Variants in PDE4B observed in about 807,000 individuals in gnomAD.
The protein encoded by PDE4B is phosphodiesterase 4B.
PDE4B carries 20 observed loss-of-function variants against 82.2 expected under a neutral mutation model. That is an observed-to-expected ratio of 0.24 (90% CI 0.17 to 0.35). PDE4B has a LOEUF of 0.35. PDE4B is among the 10% of genes least tolerant of loss of function. The probability of loss-of-function intolerance (pLI) is 1.00; values close to 1 mark genes in which losing one functional copy is unlikely to be tolerated. For synonymous variants in PDE4B, 320 were observed against 318.9 expected (o/e 1.00, Z -0.04); for missense variants, 655 against 907.2 (o/e 0.72, Z 3.57).
chr1:66,220,513 G>T (rs1191911785), intron 3 of PDE4B, among the ~76,000 whole-genome samples: 1 of 152,100 alleles, frequency 6.6e-6, no homozygotes, highest in Non-Finnish European at 1.5e-5. Context: ...CTTGTATGCT[G>T]CTTGCAAGCT....
chr1:65,869,868 T>G (rs2100290957), intron 1 of PDE4B, among the ~76,000 whole-genome samples: 1 of 152,186 alleles, frequency 6.6e-6, no homozygotes, highest in South Asian at 2.1e-4. Context: ...TATTTTGGTT[T>G]GTAACTTGTA....
intron 3 of PDE4B, among the ~76,000 whole-genome samples, chr1:66,137,534 G>T (rs1296469456): frequency 6.6e-6 from 1 of 152,162 alleles, no homozygotes; most frequent in Non-Finnish European, 1.5e-5. Context: ...AGACTGAACT[G>T]AATGGAGTGG....
intron 7 of PDE4B, among the ~76,000 whole-genome samples, chr1:66,272,883 C>T (rs551283122): frequency 2.2e-4 from 33 of 149,698 alleles, no homozygotes; most frequent in Non-Finnish European, 3.6e-4. Context: ...CTCAGCCTCC[C>T]GGGTTCAAGC....
At chr1:65,874,091 C>A (rs937550197) in intron 1 of PDE4B, among the ~76,000 whole-genome samples, 3 of 151,808 alleles carry the variant, frequency 2.0e-5, no homozygotes, top group South Asian at 2.1e-4. Flanking sequence ...CTTTTATTTC[C>A]TTGAGCAGTG....
At chr1:66,025,763 C>G (rs183195763) in intron 3 of PDE4B, among the ~76,000 whole-genome samples, 1 of 152,308 alleles carries the variant, frequency 6.6e-6, no homozygotes, top group Admixed American at 6.5e-5. Flanking sequence ...TATTTTGATT[C>G]TCTGCAATAT....
chr1:65,987,719 TCTC>T (rs1211188263), intron 3 of PDE4B, among the ~76,000 whole-genome samples: 1 of 152,146 alleles, frequency 6.6e-6, no homozygotes, highest in Non-Finnish European at 1.5e-5. Context: ...TTCCAGTAAT[TCTC>T]CTGCCTCAGC....
chr1:65,866,746 G>A (rs2100278384), intron 1 of PDE4B, among the ~76,000 whole-genome samples: 1 of 152,302 alleles, frequency 6.6e-6, no homozygotes, highest in East Asian at 1.9e-4. Context: ...CAGTCAATGG[G>A]AAGAACCCTG....
chr1:66,259,176 C>T (rs977005105), intron 6 of PDE4B, among the ~76,000 whole-genome samples: 29 of 152,122 alleles, frequency 1.9e-4, no homozygotes, highest in Admixed American at 9.8e-4. Flanking sequence ...ATTTATCCAT[C>T]CAACTAGTAT....
chr1:66,255,362 A>G (rs1441383147), intron 4 of PDE4B, among the ~76,000 whole-genome samples: 2 of 152,206 alleles, frequency 1.3e-5, no homozygotes, highest in African/African-American at 4.8e-5. Flanking sequence ...TGCTGGGATT[A>G]CAGGCATAAG....
chr1:66,118,854 T>A (rs1345945620), intron 3 of PDE4B, among the ~76,000 whole-genome samples: 1 of 152,174 alleles, frequency 6.6e-6, no homozygotes, highest in Non-Finnish European at 1.5e-5. Context: ...CATATGCATT[T>A]TCCCTCTTTC....
At chr1:65,853,578 A>G (rs11208760) in intron 1 of PDE4B, among the ~76,000 whole-genome samples, 23,783 of 150,584 alleles carry the variant, frequency 0.16, 1,968 homozygotes, top group African/African-American at 0.19. Flanking sequence ...TCGCCAGGCT[A>G]GAGTCCAGTG....
At chr1:65,886,606 G>A (rs981228445) in intron 1 of PDE4B, among the ~76,000 whole-genome samples, 7 of 151,978 alleles carry the variant, frequency 4.6e-5, no homozygotes, top group African/African-American at 1.7e-4. Context: ...ACCAACTTTT[G>A]GTTCTTACAT....
At chr1:66,346,796 A>G (rs1040402242) in intron 8 of PDE4B, among the ~76,000 whole-genome samples, 3 of 152,170 alleles carry the variant, frequency 2.0e-5, no homozygotes, top group Non-Finnish European at 4.4e-5. Context: ...ATTATTTTGA[A>G]ATTTACAGAT....
At chr1:66,263,975 T>G (rs538776053) in intron 6 of PDE4B, among the ~76,000 whole-genome samples, 5 of 152,338 alleles carry the variant, frequency 3.3e-5, no homozygotes, top group African/African-American at 9.6e-5. Context: ...AAGTATTTAC[T>G]GAATGCTTGT....
intron 8 of PDE4B, among the ~76,000 whole-genome samples, chr1:66,337,248 C>T (rs1392920202): frequency 6.6e-6 from 1 of 152,194 alleles, no homozygotes; most frequent in East Asian, 1.9e-4. Flanking sequence ...ATCAGAGGGC[C>T]TTAGCCTGGC....
rs922112059 is a variant in PDE4B, at chr1:66,374,271, G to A, written c.*1593G>A. 2.6e-5 allele frequency: 4 copies of A among 152,652 alleles called. No homozygotes were observed. The highest frequency in any genetic ancestry group is 7.2e-5 in the African/African-American group (3 of 41,462). 9.5% of individuals were successfully genotyped at this position (152,652 alleles called of 1,614,324 possible). A position where few individuals can be genotyped will look rare whatever the true frequency, so the allele number is the denominator to read the frequency against. On this transcript the variant is annotated 3_prime_UTR_variant, in exon 17 of 17. Coordinates refer to ENST00000341517, the MANE Select transcript of PDE4B (RefSeq NM_002600.4). ...TTTTTATAATAAAATGTGAACTGAT[G>A]TAGCAAATTACGCAAATGTGAAGCC...
chr1:65,966,978 CAA>C (rs1231624452), intron 3 of PDE4B, among the ~76,000 whole-genome samples: 1 of 152,062 alleles, frequency 6.6e-6, no homozygotes, highest in African/African-American at 2.4e-5. Flanking sequence ...TAGGCATGGG[CAA>C]AGACTTCATG....
chr1:65,917,505 G>T (rs1413699500), intron 2 of PDE4B, among the ~76,000 whole-genome samples: 1 of 152,118 alleles, frequency 6.6e-6, no homozygotes, highest in Non-Finnish European at 1.5e-5. Context: ...CCATTGCAGG[G>T]CTATAACATT....
intron 9 of PDE4B, among the ~76,000 whole-genome samples, chr1:66,361,199 ACAAAAATATGTT>A (rs1662735656): frequency 6.6e-6 from 1 of 152,182 alleles, no homozygotes; most frequent in African/African-American, 2.4e-5. Context: ...ATTTTATTAT[ACAAAAATATGTT>A]AATCCCTTTA....
Sources: gnomAD v4.1 joint callset for allele counts (sites outside exome capture counted in the v4.1 genomes callset) on GRCh38, gnomAD v4.1.1 for gene constraint, MANE v1.5 for transcripts, NCBI Gene and HGNC (gene_info 2026-07-23, HGNC 2026-07-21) for gene names.